ENOX1: variants seen among roughly 807,000 people sequenced by gnomAD.
ENOX1 encodes ecto-NOX disulfide-thiol exchanger 1, also known as candidate growth-related and time keeping constitutive hydroquinone (NADH) oxidase.
In ENOX1, 42 loss-of-function variants were observed where a neutral mutation model predicts 82.5. The observed-to-expected ratio is 0.51, with a 90% CI of 0.40 to 0.66. ENOX1 has a LOEUF of 0.66. Ranked by LOEUF, ENOX1 falls within the 30% of genes least tolerant of loss-of-function variation. ENOX1 has a pLI of 0.00. For missense variants in ENOX1, 608 were observed against 811.6 expected (o/e 0.75, Z 3.05); for synonymous variants, 271 against 282.2 (o/e 0.96, Z 0.40).
intron 5 of ENOX1, among the ~76,000 whole-genome samples, chr13:43,389,972 C>T (rs2052670976): frequency 6.6e-6 from 1 of 152,068 alleles, no homozygotes; most frequent in African/African-American, 2.4e-5. Context: ...CTGACCTAGC[C>T]TGTATGAAAG....
intron 4 of ENOX1, 35 bp from the exon 5 acceptor site, chr13:43,412,088 T>C: frequency 1.2e-6 from 2 of 1,600,366 alleles, no homozygotes; most frequent in South Asian, 1.1e-5. Flanking sequence ...TTAGAGTCCA[T>C]AGGCAAGGGT....
intron 2 of ENOX1, among the ~76,000 whole-genome samples, chr13:43,587,401 A>T: frequency 6.6e-6 from 1 of 152,226 alleles, no homozygotes; most frequent in East Asian, 1.9e-4. Flanking sequence ...GACCTTATCA[A>T]TGGTGAACAC....
At chr13:43,498,103 G>A (rs1435528088) in intron 2 of ENOX1, among the ~76,000 whole-genome samples, 2 of 151,944 alleles carry the variant, frequency 1.3e-5, no homozygotes, top group Non-Finnish European at 1.5e-5. Flanking sequence ...AAACTCGCTG[G>A]TACTTTTTCC....
intron 12 of ENOX1, among the ~76,000 whole-genome samples, chr13:43,278,389 T>C (rs1386484973): frequency 6.6e-6 from 1 of 152,178 alleles, no homozygotes; most frequent in Non-Finnish European, 1.5e-5. Flanking sequence ...TGCATTTCTA[T>C]ACTAGATTCA....
intron 2 of ENOX1, among the ~76,000 whole-genome samples, chr13:43,640,307 C>G (rs1464342313): frequency 6.6e-6 from 1 of 152,128 alleles, no homozygotes; most frequent in Non-Finnish European, 1.5e-5. Context: ...CTCCTCAATT[C>G]CAGGATGCAT....
At chr13:43,733,482 G>T (rs777710944) in intron 1 of ENOX1, among the ~76,000 whole-genome samples, 22 of 152,194 alleles carry the variant, frequency 1.4e-4, no homozygotes, top group Non-Finnish European at 2.4e-4. Context: ...ATTAGAGTAA[G>T]CCACATCGTA....
chr13:43,435,658 G>T (rs1309983588), intron 3 of ENOX1, among the ~76,000 whole-genome samples: 3 of 152,152 alleles, frequency 2.0e-5, no homozygotes, highest in African/African-American at 4.8e-5. Context: ...CATGCTGTTG[G>T]TGTTTTGAAA....
At chr13:43,401,994 C>T (rs2053524050) in intron 5 of ENOX1, among the ~76,000 whole-genome samples, 2 of 151,894 alleles carry the variant, frequency 1.3e-5, no homozygotes, top group Admixed American at 6.6e-5. Context: ...TTCACAACGT[C>T]TGGCAACCAA....
intron 1 of ENOX1, among the ~76,000 whole-genome samples, chr13:43,772,486 G>A (rs978439294): frequency 6.6e-6 from 1 of 152,018 alleles, no homozygotes; most frequent in Non-Finnish European, 1.5e-5. Flanking sequence ...ATAAAAATGG[G>A]AAAGAAGATC....
chr13:43,407,593 C>T (rs913343143), intron 5 of ENOX1, among the ~76,000 whole-genome samples: 1 of 152,038 alleles, frequency 6.6e-6, no homozygotes, highest in Non-Finnish European at 1.5e-5. Context: ...TTTTTAAAGG[C>T]TAAATTAAGT....
chr13:43,431,039 A>AT (rs950488018), intron 3 of ENOX1, among the ~76,000 whole-genome samples: 7 of 119,172 alleles, frequency 5.9e-5, no homozygotes, highest in Admixed American at 4.7e-4. Flanking sequence ...TCAAATGAAC[A>AT]TAAAAAAAAA....
intron 1 of ENOX1, among the ~76,000 whole-genome samples, chr13:43,685,330 A>G (rs191012616): frequency 2.0e-5 from 3 of 152,212 alleles, no homozygotes; most frequent in African/African-American, 7.2e-5. Flanking sequence ...GGAGAAGAGG[A>G]GCTTTTTGAT....
chr13:43,564,705 A>G (rs377075472), intron 2 of ENOX1, among the ~76,000 whole-genome samples: 1 of 152,186 alleles, frequency 6.6e-6, no homozygotes, highest in East Asian at 1.9e-4. Flanking sequence ...CTCTCAATTA[A>G]TAAACTGAAT....
chr13:43,400,838 G>A (rs11842557), intron 5 of ENOX1, among the ~76,000 whole-genome samples: 17,525 of 152,184 alleles, frequency 0.12, 1,055 homozygotes, highest in East Asian at 0.24. Flanking sequence ...AAACAAAAGT[G>A]TAAAGATAGA....
intron 5 of ENOX1, among the ~76,000 whole-genome samples, chr13:43,380,140 G>A (rs1180734604): frequency 2.0e-5 from 3 of 151,568 alleles, no homozygotes; most frequent in African/African-American, 7.3e-5. Context: ...ATCACCAGCA[G>A]ATCTATACTA....
intron 1 of ENOX1, among the ~76,000 whole-genome samples, chr13:43,770,566 G>A (rs1233141461): frequency 6.6e-6 from 1 of 152,080 alleles, no homozygotes; most frequent in Non-Finnish European, 1.5e-5. Context: ...TTTATTTATT[G>A]ACATGGAGAG....
At chr13:43,532,760 C>T (rs904938572) in intron 2 of ENOX1, among the ~76,000 whole-genome samples, 4 of 151,940 alleles carry the variant, frequency 2.6e-5, no homozygotes, top group Non-Finnish European at 5.9e-5. Context: ...CTAAAAAGAT[C>T]TGCAAAAATG....
At chr13:43,458,136 T>A (rs1275894510) in intron 3 of ENOX1, among the ~76,000 whole-genome samples, 1 of 152,232 alleles carries the variant, frequency 6.6e-6, no homozygotes, top group African/African-American at 2.4e-5. Context: ...AACTATGTTG[T>A]CAACAACATC....
chr13:43,490,281 T>G (rs1316380732), intron 2 of ENOX1, among the ~76,000 whole-genome samples: 2 of 152,330 alleles, frequency 1.3e-5, no homozygotes, highest in Middle Eastern at 3.4e-3. Context: ...ATAACTTGTT[T>G]AACTTCACAG....
Sources: gnomAD v4.1 joint callset for allele counts (sites outside exome capture counted in the v4.1 genomes callset) on GRCh38, gnomAD v4.1.1 for gene constraint, MANE v1.5 for transcripts, NCBI Gene and HGNC (gene_info 2026-07-23, HGNC 2026-07-21) for gene names.